CABIN1: variants seen among roughly 807,000 people sequenced by gnomAD.
CABIN1 encodes the protein calcineurin-binding protein cabin-1.
Under a neutral mutation model 227.7 loss-of-function variants are expected in CABIN1, and 133 were observed. The observed-to-expected ratio is 0.58, with a 90% CI of 0.51 to 0.67. CABIN1 has a LOEUF of 0.67. Among genes scored for constraint, CABIN1 ranks in the 30% least tolerant of loss-of-function variants. The pLI is 0.00. For synonymous variants in CABIN1, 1,086 were observed against 1,155.1 expected, an observed-to-expected ratio of 0.94 and a Z score of 1.21; for missense variants, 2,408 against 2,852.5, an observed-to-expected ratio of 0.84 and a Z score of 3.55.
Position 24,090,517 on chromosome 22 carries a change from A to AT in CABIN1, c.3526-1045dup, listed in dbSNP as rs11356877. Among the ~76,000 whole-genome samples the AT allele has an allele frequency of 5.2e-3, 634 of 122,376 alleles. 7 individuals are homozygous for AT. Among genetic ancestry groups the AT allele is most frequent in the South Asian group, 0.032 (125 of 3,850 alleles). The allele number at this position is 122,376 out of a possible 152,430, so 80.3% of individuals were successfully genotyped here. A position where few individuals can be genotyped will look rare whatever the true frequency, so the allele number is the denominator to read the frequency against. On this transcript the variant is annotated intron_variant, in intron 23 of 36. Coordinates refer to ENST00000263119, the MANE Select transcript of CABIN1 (RefSeq NM_012295.4). ...ATGATCTCCCACTTCCTGTGTGGTC[A>AT]TTTTTTTTTTTTTTTTTTTTTCCTG...
intron 28 of CABIN1, among the ~76,000 whole-genome samples, chr22:24,123,885 G>A (rs548226158): frequency 6.6e-6 from 1 of 152,252 alleles, no homozygotes; most frequent in Non-Finnish European, 1.5e-5. Context: ...GTGGACTGGA[G>A]CATCCGATGT....
At chr22:24,175,822 G>A (rs578121365) in intron 34 of CABIN1, 28 of 533,540 alleles carry the variant, frequency 5.2e-5, no homozygotes, top group African/African-American at 5.1e-4. Context: ...AAGAGAGGCT[G>A]GGCCTCGAAG....
chr22:24,061,492 A>G (rs992656642), intron 12 of CABIN1, among the ~76,000 whole-genome samples: 1 of 152,232 alleles, frequency 6.6e-6, no homozygotes, highest in Non-Finnish European at 1.5e-5. Context: ...AGCAGGAGGA[A>G]CCAGGGCTTT....
intron 19 of CABIN1, among the ~76,000 whole-genome samples, chr22:24,082,216 C>T (rs2040858536): frequency 6.6e-6 from 1 of 151,558 alleles, no homozygotes; most frequent in South Asian, 2.1e-4. Context: ...TAGCCTCCCA[C>T]GTAGCTGGGA....
At chr22:24,137,126 C>T (rs915108418) in intron 29 of CABIN1, among the ~76,000 whole-genome samples, 2 of 152,282 alleles carry the variant, frequency 1.3e-5, no homozygotes, top group South Asian at 4.1e-4. Flanking sequence ...ATGGCAGGTA[C>T]TTAAGAAAAT....
At chr22:24,157,096 C>A (rs1028337750) in intron 29 of CABIN1, among the ~76,000 whole-genome samples, 1 of 152,152 alleles carries the variant, frequency 6.6e-6, no homozygotes, top group Middle Eastern at 3.2e-3. Context: ...GGGCGGAGGC[C>A]AGGGCGCCCC....
chr22:24,020,657 T>C (rs897088716), intron 1 of CABIN1, among the ~76,000 whole-genome samples: 15 of 152,228 alleles, frequency 9.9e-5, no homozygotes, highest in Admixed American at 9.2e-4. Context: ...TCATTGCATT[T>C]CCTTTTATCT....
chr22:24,141,664 C>A (rs1032869870), intron 29 of CABIN1, among the ~76,000 whole-genome samples: 3 of 150,772 alleles, frequency 2.0e-5, no homozygotes, highest in African/African-American at 4.9e-5. Flanking sequence ...TGCCAAAAAA[C>A]CCCAGGTGGT....
chr22:24,073,242 A>G (rs1255260008), intron 18 of CABIN1, among the ~76,000 whole-genome samples: 1 of 151,850 alleles, frequency 6.6e-6, no homozygotes, highest in Non-Finnish European at 1.5e-5. Context: ...TATCAGATAG[A>G]TCTTTTTTTT....
chr22:24,068,843 T>C (rs1224797283), intron 16 of CABIN1, among the ~76,000 whole-genome samples: 1 of 152,226 alleles, frequency 6.6e-6, no homozygotes, highest in Admixed American at 6.5e-5. Context: ...AGACAGTCTT[T>C]CCAAGAGTGG....
In CABIN1 at chr22:24,070,914, T is replaced by C; in HGVS notation, c.2347T>C (p.Trp783Arg). 2.5e-6 allele frequency: 4 copies of C among 1,613,900 alleles called. No homozygotes were observed. The highest frequency in any genetic ancestry group is 3.4e-6 in the Non-Finnish European group (4 of 1,179,936). Residue 783 changes from tryptophan (W) to arginine (R), a missense_variant, in exon 17 of 37, where the codon TGG (tryptophan) becomes CGG (arginine). Transcript: ENST00000263119. ...AGGTGAGGCTGCCGCCAAGGAGGAG[T>C]GGGTGGCCACAGTGACCCAACTGCT... ...NSGEAAAKEE[W>R]VATVTQLLMG...
chr22:24,045,418 A>T (rs1458370591), intron 6 of CABIN1, among the ~76,000 whole-genome samples: 1 of 151,920 alleles, frequency 6.6e-6, no homozygotes, highest in Non-Finnish European at 1.5e-5. Flanking sequence ...GTTCAAGAAC[A>T]GCCTGGGCAA....
chr22:24,063,149 T>C lies in CABIN1; in HGVS notation c.1884+3T>C. 2 of 1,614,032 alleles carry C rather than the reference T, an allele frequency of 1.2e-6. No homozygotes were observed. The highest frequency in any genetic ancestry group is 1.7e-6 in the Non-Finnish European group (2 of 1,179,952). ...AGGCTCGCTTCCTGGCGCTGCAGGT[T>C]AGTTCCATGGTCAGCTGCTTGGGGA... On this transcript the variant is annotated splice_donor_region_variant and intron_variant, in intron 14 of 36. Transcript: ENST00000263119.
chr22:24,172,125 C>A (rs535766459), intron 34 of CABIN1, 130 bp downstream of exon 34: 1 of 1,178,734 alleles, frequency 8.5e-7, no homozygotes, highest in South Asian at 1.5e-5. Context: ...CACAGGGTGG[C>A]GGGGCAGGTG....
At chr22:24,173,553 T>G (rs1193638219) in intron 34 of CABIN1, among the ~76,000 whole-genome samples, 1 of 152,196 alleles carries the variant, frequency 6.6e-6, no homozygotes, top group Admixed American at 6.5e-5. Context: ...AGTGTAGTGC[T>G]GGCCAGGCGC....
chr22:24,114,656 G>A (rs894856532), intron 27 of CABIN1, among the ~76,000 whole-genome samples: 21 of 152,204 alleles, frequency 1.4e-4, no homozygotes, highest in African/African-American at 4.8e-4. Flanking sequence ...AAAAACGCTG[G>A]TGATAAACTG....
rs115360852 is a variant in CABIN1 at position 24,169,448 on chromosome 22, A to G, written c.5757+927A>G. On this transcript the variant is annotated intron_variant, in intron 33 of 36. Transcript: ENST00000263119. Reference sequence around the variant, plus strand: ...CAGGCCCCCACCACCTGCCTGGGCTATTACGTCTGCGGAAGCCCTCGAGGT... The same window carrying G: ...CAGGCCCCCACCACCTGCCTGGGCTGTTACGTCTGCGGAAGCCCTCGAGGT... Among the ~76,000 whole-genome samples the G allele has an allele frequency of 9.6e-3, 1,465 of 152,216 alleles. 30 individuals are homozygous for G. Among genetic ancestry groups the G allele is most frequent in the African/African-American group, 0.033 (1,375 of 41,514 alleles).
intron 22 of CABIN1, among the ~76,000 whole-genome samples, chr22:24,085,680 T>C (rs1479816819): frequency 6.6e-6 from 1 of 152,226 alleles, no homozygotes; most frequent in Admixed American, 6.5e-5. Context: ...AAGCTCATGC[T>C]CTCTTCCTGT....
At chr22:24,108,091 A>G (rs1214869573) in intron 26 of CABIN1, among the ~76,000 whole-genome samples, 5 of 152,230 alleles carry the variant, frequency 3.3e-5, no homozygotes, top group Non-Finnish European at 7.3e-5. Context: ...GGCACTAGCC[A>G]CGCCTTTGTG....
Sources: gnomAD v4.1 joint callset for allele counts (sites outside exome capture counted in the v4.1 genomes callset) on GRCh38, gnomAD v4.1.1 for gene constraint, MANE v1.5 for transcripts, NCBI Gene and HGNC (gene_info 2026-07-23, HGNC 2026-07-21) for gene names.